The following LCA5 variants were observed in gnomAD, a reference collection of about 807,000 sequenced individuals.
LCA5 encodes lebercilin.
A neutral mutation model predicts 53.0 loss-of-function variants in LCA5; 37 were observed. The ratio of observed to expected loss-of-function variants is 0.70; its 90% CI spans 0.54 to 0.92. LCA5 has a LOEUF of 0.92. Ranked by LOEUF, LCA5 falls within the 40% of genes least tolerant of loss-of-function variation. LCA5 has a pLI of 0.00. For synonymous variants in LCA5, 303 were observed against 282.9 expected, an observed-to-expected ratio of 1.07 and a Z score of -0.71; for missense variants, 806 against 790.5, an observed-to-expected ratio of 1.02 and a Z score of -0.23.
In LCA5 at chr6:79,487,694, A is replaced by G; in HGVS notation, c.1404T>C (p.Leu468=). 1 of 1,613,846 alleles carries G rather than the reference A, an allele frequency of 6.2e-7. No individual in the cohort carries two copies. Among genetic ancestry groups the G allele is most frequent in the Non-Finnish European group, 8.5e-7 (1 of 1,179,798 alleles). ...CTCTGTCAATTTCATTCAGTTTAGC[A>G]AGTAGCATTTCTCTCTTCAGTCTTT... is the stretch of plus-strand genomic sequence containing the variant. ...EEERLKREML[L]AKLNEIDREL... Residue 468 remains leucine, a synonymous_variant, in exon 8 of 8, where the codon CTT becomes CTC. Coordinates refer to ENST00000369846, the MANE Select transcript of LCA5 (RefSeq NM_001122769.3).
intron 1 of LCA5, among the ~76,000 whole-genome samples, chr6:79,533,402 A>G (rs1305573229): frequency 6.6e-6 from 1 of 152,056 alleles, no homozygotes. Context: ...TTCCCTCTCG[A>G]TGCTAATCAA....
Position 79,513,408 on chromosome 6 carries a change from A to C in LCA5, c.524T>G (p.Leu175Ter). ...NNEITALKER[L>*]RKSQEKERAT... is the part of the protein sequence containing the mutation. ...CCGTTCTTTCTCTTGAGATTTTCTT[A>C]AGCGTTCTTTGAGTGCTGTAATCTC... is the stretch of plus-strand genomic sequence containing the variant. Residue 175 changes from leucine to a stop codon, truncating the protein, a stop_gained, in exon 3 of 8, where the codon TTA becomes TGA. Transcript: ENST00000369846. LOFTEE classifies it high-confidence loss of function. The C allele has an allele frequency of 6.2e-7, 1 of 1,613,818 alleles. No homozygotes were observed.
At chr6:79,504,614 A>T (rs2127674907) in intron 3 of LCA5, among the ~76,000 whole-genome samples, 1 of 152,328 alleles carries the variant, frequency 6.6e-6, no homozygotes, top group East Asian at 1.9e-4. Flanking sequence ...GTCTGTTTAC[A>T]TATCCAGTTA....
At chr6:79,491,487 A>C in intron 6 of LCA5, 101 bp downstream of exon 6, 3 of 1,174,652 alleles carry the variant, frequency 2.6e-6, no homozygotes, top group Non-Finnish European at 2.5e-6. Context: ...TCATATAGAT[A>C]TAGTACTAGC....
chr6:79,487,771 G>A lies in LCA5; in HGVS notation c.1327C>T (p.Leu443=). The part of the protein sequence containing the change: ...KPEWETGRYQ[L]GMYPIQNMDK... Reference sequence around the variant, plus strand: ...ATATTCTGAATTGGATACATTCCTAGTTGGTACCTTCCAGTTTCCCACTCT... The same window carrying A: ...ATATTCTGAATTGGATACATTCCTAATTGGTACCTTCCAGTTTCCCACTCT... The change falls in exon 8 of 8, where the codon CTA becomes TTA. Residue 443 remains leucine, a synonymous_variant. Transcript: ENST00000369846. 1 of 1,613,308 alleles carries A rather than the reference G, an allele frequency of 6.2e-7. No homozygotes were observed. The highest frequency in any genetic ancestry group is 1.1e-5 in the South Asian group (1 of 90,882).
intron 1 of LCA5, among the ~76,000 whole-genome samples, chr6:79,521,755 C>A (rs1766632242): frequency 6.6e-6 from 1 of 152,086 alleles, no homozygotes; most frequent in Non-Finnish European, 1.5e-5. Context: ...TATGCCACTT[C>A]CCATTGAAAG....
chr6:79,509,209 C>T (rs1022658434), intron 3 of LCA5, among the ~76,000 whole-genome samples: 2 of 152,086 alleles, frequency 1.3e-5, no homozygotes, highest in Non-Finnish European at 2.9e-5. Flanking sequence ...AATCCCAGTA[C>T]TTTGGGAGGC....
chr6:79,520,781 T>G (rs1766601592), intron 1 of LCA5, among the ~76,000 whole-genome samples: 1 of 152,178 alleles, frequency 6.6e-6, no homozygotes, highest in South Asian at 2.1e-4. Flanking sequence ...ACTATCTCTG[T>G]GTATTGCTCA....
rs372285411 is a variant in LCA5 at position 79,509,508 on chromosome 6, A to G, written c.720+3704T>C. Among the ~76,000 whole-genome samples the G allele has an allele frequency of 3.0e-3, 451 of 152,118 alleles. 28 individuals are homozygous for G. In the South Asian group the frequency reaches 0.091, roughly 31 times the overall value. On this transcript the variant is annotated intron_variant, in intron 3 of 7. Coordinates refer to ENST00000369846, the MANE Select transcript of LCA5 (RefSeq NM_001122769.3). Reference sequence around the variant, plus strand: ...AATAACATATTAAATATTGATTCCAACATAATGTCAATTATAGCAGAAATG... The same window carrying G: ...AATAACATATTAAATATTGATTCCAGCATAATGTCAATTATAGCAGAAATG...
intron 3 of LCA5, among the ~76,000 whole-genome samples, chr6:79,498,736 G>T (rs1162105019): frequency 1.3e-5 from 2 of 151,742 alleles, no homozygotes; most frequent in East Asian, 3.9e-4. Context: ...TAAAAACACT[G>T]TTAAAAATTA....
chr6:79,491,800 A>ATG, intron 5 of LCA5, 70 bp from the exon 6 acceptor site: 3 of 1,307,916 alleles, frequency 2.3e-6, no homozygotes, highest in Non-Finnish European at 3.3e-6. Flanking sequence ...TTCAGCTGGC[A>ATG]TGTATATATA....
chr6:79,499,786 C>T (rs1445190823), intron 3 of LCA5, among the ~76,000 whole-genome samples: 1 of 150,878 alleles, frequency 6.6e-6, no homozygotes, highest in Admixed American at 6.6e-5. Flanking sequence ...TGCTGGTGTG[C>T]TGCACCCATT....
intron 1 of LCA5, among the ~76,000 whole-genome samples, chr6:79,521,738 G>A (rs1766631490): frequency 6.6e-6 from 1 of 152,102 alleles, no homozygotes; most frequent in African/African-American, 2.4e-5. Flanking sequence ...CCCAGATCTA[G>A]TGTCTATATG....
intron 3 of LCA5, among the ~76,000 whole-genome samples, chr6:79,501,534 T>A (rs1349039384): frequency 3.9e-5 from 6 of 151,950 alleles, no homozygotes; most frequent in Admixed American, 1.3e-4. Flanking sequence ...CTGATCCAAT[T>A]GTAAAGCTTT....
At chr6:79,491,774 G>A in intron 5 of LCA5, 44 bp from the exon 6 acceptor site, 2 of 1,551,028 alleles carry the variant, frequency 1.3e-6, no homozygotes, top group Non-Finnish European at 1.8e-6. Flanking sequence ...AATGAATAAT[G>A]CTAAAATATA....
Position 79,513,476 on chromosome 6 carries a change from A to T in LCA5, c.456T>A (p.Asp152Glu), listed in dbSNP as rs1410175993. ...TAAGTTGTGAGATTTCATTTTCGGC[A>T]TCTTCAAACTTATTCAGGGCTTTCT... ...RQEKALNKFE[D>E]AENEISQLIF... The change falls in exon 3 of 8, where the codon GAT (aspartate) becomes GAA (glutamate). Residue 152 changes from aspartate to glutamate, a missense_variant. Asp to Glu is a conservative substitution (Grantham distance 45). Transcript: ENST00000369846. The T allele has an allele frequency of 6.2e-7, 1 of 1,613,956 alleles. No individual in the cohort carries two copies. The highest frequency in any genetic ancestry group is 1.1e-5 in the South Asian group (1 of 91,070).
Position 79,519,033 on chromosome 6 carries a change from T to A in LCA5, c.-139A>T, listed in dbSNP as rs761521978. The A allele has an allele frequency of 2.0e-4, 194 of 948,542 alleles. No homozygotes were observed. Among genetic ancestry groups the A allele is most frequent in the Non-Finnish European group, 3.2e-4 (187 of 592,246 alleles). 58.8% of individuals were successfully genotyped at this position (948,542 alleles called of 1,614,324 possible). On this transcript the variant is annotated 5_prime_UTR_variant, in exon 2 of 8. Coordinates refer to ENST00000369846, the MANE Select transcript of LCA5 (RefSeq NM_001122769.3). The stretch of plus-strand genomic sequence containing the variant: ...TCTGTGCAATCTATTTTCTCCACAA[T>A]GTATTTGTAGACCACAATTCACATT...
intron 3 of LCA5, among the ~76,000 whole-genome samples, chr6:79,496,166 T>C (rs1282261580): frequency 6.6e-6 from 1 of 152,232 alleles, no homozygotes; most frequent in East Asian, 1.9e-4. Flanking sequence ...TGTCTTAAAC[T>C]GGAAAAACTA....
chr6:79,498,625 G>A (rs1339489866), intron 3 of LCA5, among the ~76,000 whole-genome samples: 1 of 152,036 alleles, frequency 6.6e-6, no homozygotes, highest in Non-Finnish European at 1.5e-5. Flanking sequence ...AAGAAAGGAA[G>A]TGAACCCTGA....
Sources: allele counts gnomAD v4.1 joint callset (sites outside exome capture counted in the v4.1 genomes callset), GRCh38; gene constraint gnomAD v4.1.1; transcripts MANE v1.5; gene names NCBI Gene and HGNC (gene_info 2026-07-23, HGNC 2026-07-21).